The following NLGN4X variants were observed in gnomAD, a reference collection of about 807,000 sequenced individuals.
NLGN4X encodes the protein neuroligin-4, X-linked.
In NLGN4X, 3 loss-of-function variants were observed where a neutral mutation model predicts 40.3. That is an observed-to-expected ratio of 0.07 (90% confidence interval 0.03 to 0.19). The LOEUF (loss-of-function observed/expected upper bound fraction) is 0.19, where lower values mean the gene tolerates loss of function less well. Ranked by LOEUF, NLGN4X falls within the 10% of genes least tolerant of loss-of-function variation. NLGN4X has a pLI of 1.00. For synonymous variants in NLGN4X, 270 were observed against 306.8 expected (o/e 0.88, Z 1.25); for missense variants, 382 against 708.3 (o/e 0.54, Z 5.23).
chrX:5,898,293 C>T (rs1411104659), intron 5 of NLGN4X, among the ~76,000 whole-genome samples: 1 of 91,070 alleles, frequency 1.1e-5, no homozygotes. Context: ...TCCCGCCCTC[C>T]TTTTCTTTTC....
At chrX:6,072,030 C>T (rs1202951297) in intron 2 of NLGN4X, among the ~76,000 whole-genome samples, 1 of 110,486 alleles carries the variant, frequency 9.1e-6, no homozygotes, top group Non-Finnish European at 1.9e-5. Flanking sequence ...TTTTTATTTT[C>T]CTTTTTTTTC....
At chrX:6,033,035 A>G (rs1227425490) in intron 2 of NLGN4X, among the ~76,000 whole-genome samples, 3 of 8,056 alleles carry the variant, frequency 3.7e-4, no homozygotes, top group African/African-American at 7.9e-4. Context: ...AAATGATGCT[A>G]CTGCAAAAAA....
intron 3 of NLGN4X, among the ~76,000 whole-genome samples, chrX:5,955,700 A>G (rs1399833517): frequency 9.1e-6 from 1 of 110,038 alleles, no homozygotes; most frequent in Non-Finnish European, 1.9e-5. Flanking sequence ...GCATTGTATG[A>G]CATTACCCCA....
At chrX:5,921,148 C>CATATAGAT (rs1555919748) in intron 3 of NLGN4X, among the ~76,000 whole-genome samples, 1 of 91,046 alleles carries the variant, frequency 1.1e-5, no homozygotes, top group Non-Finnish European at 2.1e-5. Flanking sequence ...TATATATATA[C>CATATAGAT]ATATATATAT....
At chrX:6,001,683 AT>A (rs5901308) in intron 3 of NLGN4X, among the ~76,000 whole-genome samples, 4,306 of 101,621 alleles carry the variant, frequency 0.042, 164 homozygotes, top group African/African-American at 0.12. Context: ...ATTCAGAGTC[AT>A]TTTTTTTTTT....
intron 3 of NLGN4X, among the ~76,000 whole-genome samples, chrX:5,956,823 G>A (rs758125738): frequency 3.6e-5 from 4 of 112,220 alleles, no homozygotes. Context: ...CTGATCTGTT[G>A]TCCTCTTGTT....
chrX:6,007,969 G>A (rs1367763008), intron 3 of NLGN4X, among the ~76,000 whole-genome samples: 9 of 111,650 alleles, frequency 8.1e-5, no homozygotes, highest in Non-Finnish European at 1.7e-4. Flanking sequence ...TGTGGGGTAC[G>A]ATGACATGTT....
intron 1 of NLGN4X, among the ~76,000 whole-genome samples, chrX:6,177,401 C>T (rs1481002759): frequency 8.9e-6 from 1 of 111,774 alleles, no homozygotes; most frequent in Non-Finnish European, 1.9e-5. Flanking sequence ...TCAAGTGATC[C>T]ACCCACCTCA....
intron 1 of NLGN4X, among the ~76,000 whole-genome samples, chrX:6,157,629 T>G (rs1031989949): frequency 9.0e-6 from 1 of 111,587 alleles, no homozygotes; most frequent in African/African-American, 3.3e-5. Flanking sequence ...ATTCAGTGTA[T>G]GGTGAGGGCC....
chrX:6,102,524 G>C (rs1438761867), intron 2 of NLGN4X, among the ~76,000 whole-genome samples: 1 of 110,765 alleles, frequency 9.0e-6, no homozygotes, highest in East Asian at 2.8e-4. Context: ...GAATCTGTAA[G>C]CACTTTGATC....
At chrX:6,042,724 T>TAC (rs1363589693) in intron 2 of NLGN4X, among the ~76,000 whole-genome samples, 13 of 45,029 alleles carry the variant, frequency 2.9e-4, no homozygotes, top group East Asian at 8.3e-4. Flanking sequence ...TATATATATA[T>TAC]ATATATACAC....
intron 1 of NLGN4X, among the ~76,000 whole-genome samples, chrX:6,166,795 G>A (rs2040504912): frequency 9.0e-6 from 1 of 111,339 alleles, no homozygotes; most frequent in Non-Finnish European, 1.9e-5. Flanking sequence ...AAATGGGTCA[G>A]GCAACATGGC....
At chrX:5,904,993 C>A (rs2032098282) in intron 4 of NLGN4X, among the ~76,000 whole-genome samples, 1 of 110,153 alleles carries the variant, frequency 9.1e-6, no homozygotes, top group Admixed American at 9.7e-5. Flanking sequence ...GTCATCAAAG[C>A]CATCCTGGGA....
intron 3 of NLGN4X, among the ~76,000 whole-genome samples, chrX:6,024,297 A>G (rs2036628223): frequency 9.0e-6 from 1 of 111,649 alleles, no homozygotes; most frequent in South Asian, 3.8e-4. Context: ...CTCAGCAAGG[A>G]TTTTGCTGGC....
At chrX:6,081,497 G>A (rs1216309153) in intron 2 of NLGN4X, among the ~76,000 whole-genome samples, 1 of 112,332 alleles carries the variant, frequency 8.9e-6, no homozygotes, top group African/African-American at 3.2e-5. Flanking sequence ...CTCACTCCTG[G>A]TAAAGGCAAA....
chrX:5,975,067 G>T (rs2035134172), intron 3 of NLGN4X, among the ~76,000 whole-genome samples: 1 of 111,554 alleles, frequency 9.0e-6, no homozygotes, highest in Non-Finnish European at 1.9e-5. Flanking sequence ...GAGGGAGCAG[G>T]ACTGCTGGAG....
At chrX:6,022,972 G>A (rs140012540) in intron 3 of NLGN4X, among the ~76,000 whole-genome samples, 144 of 111,822 alleles carry the variant, frequency 1.3e-3, no homozygotes, top group African/African-American at 4.2e-3. Flanking sequence ...ACTCCAAAGC[G>A]TCTAATAGGT....
intron 3 of NLGN4X, among the ~76,000 whole-genome samples, chrX:5,958,411 G>C (rs2034563870): frequency 1.8e-5 from 2 of 111,163 alleles, no homozygotes; most frequent in South Asian, 3.8e-4. Context: ...TTTAAGAATA[G>C]CAAGTCCATC....
intron 2 of NLGN4X, among the ~76,000 whole-genome samples, chrX:6,098,739 C>T (rs749394193): frequency 2.7e-5 from 3 of 111,463 alleles, no homozygotes; most frequent in East Asian, 2.8e-4. Context: ...CTGGAGTCTT[C>T]GCATGAAAGT....
Sources: allele counts gnomAD v4.1 joint callset (sites outside exome capture counted in the v4.1 genomes callset), GRCh38; gene constraint gnomAD v4.1.1; transcripts MANE v1.5; gene names NCBI Gene and HGNC (gene_info 2026-07-23, HGNC 2026-07-21).